TPO: variants seen among roughly 807,000 people sequenced by gnomAD.
The protein encoded by TPO is thyroid peroxidase, also known as thyroid microsomal antigen.
A neutral mutation model predicts 96.9 loss-of-function variants in TPO; 78 were observed. The ratio of observed to expected loss-of-function variants is 0.81; its 90% CI spans 0.67 to 0.97. The LOEUF is 0.97. Among genes scored for constraint, TPO ranks in the 50% least tolerant of loss-of-function variants. TPO has a pLI of 0.00. For missense variants in TPO, 1,252 were observed against 1,274.8 expected, an observed-to-expected ratio of 0.98 and a Z score of 0.27; for synonymous variants, 547 against 538.0, an observed-to-expected ratio of 1.02 and a Z score of -0.23.
intron 5 of TPO, among the ~76,000 whole-genome samples, chr2:1,451,321 G>T (rs961645550): frequency 6.6e-6 from 1 of 152,052 alleles, no homozygotes; most frequent in Non-Finnish European, 1.5e-5. Flanking sequence ...ATCTAAATCG[G>T]TCACATTTAA....
chr2:1,441,256 A>G lies in TPO; in HGVS notation c.482+4872A>G, dbSNP rs149583025. On this transcript the variant is annotated intron_variant, in intron 5 of 16. Transcript: ENST00000329066. ...CTACCGTGTTGGAAGGGAATGGGGCAGACTCCTTCTTGTTGGTACGGTGTG... is the reference window on the plus strand; with the variant it reads ...CTACCGTGTTGGAAGGGAATGGGGCGGACTCCTTCTTGTTGGTACGGTGTG... Among the ~76,000 whole-genome samples the G allele has an allele frequency of 1.4e-3, 218 of 152,342 alleles. 1 individual carries two copies. Among genetic ancestry groups the G allele is most frequent in the Middle Eastern group, 6.8e-3 (2 of 294 alleles).
intron 10 of TPO, among the ~76,000 whole-genome samples, chr2:1,488,390 C>T (rs1451460499): frequency 3.9e-5 from 6 of 152,072 alleles, no homozygotes; most frequent in South Asian, 2.1e-4. Flanking sequence ...AAGATCATTC[C>T]GTCACATCAG....
intron 7 of TPO, among the ~76,000 whole-genome samples, chr2:1,460,782 C>T (rs1191362701): frequency 1.3e-5 from 2 of 152,088 alleles, no homozygotes; most frequent in Admixed American, 6.5e-5. Flanking sequence ...GGGAGCTGCA[C>T]TGAGAGAACT....
At chr2:1,435,803 G>T (rs554247116) in intron 4 of TPO, among the ~76,000 whole-genome samples, 1 of 152,178 alleles carries the variant, frequency 6.6e-6, no homozygotes, top group Non-Finnish European at 1.5e-5. Context: ...ATCAAGGCAA[G>T]ATTTTTTCTA....
intron 1 of TPO, among the ~76,000 whole-genome samples, chr2:1,377,056 C>T (rs899969023): frequency 3.3e-5 from 5 of 152,204 alleles, no homozygotes; most frequent in Admixed American, 6.5e-5. Flanking sequence ...GGTGAATTTA[C>T]ACCAGAGTCA....
chr2:1,531,675 C>T, intron 15 of TPO, among the ~76,000 whole-genome samples: 1 of 101,970 alleles, frequency 9.8e-6, no homozygotes, highest in Non-Finnish European at 2.1e-5. Context: ...TGTGCAATCT[C>T]CCCAAATCCC....
rs1258968198 is a variant in TPO, at chr2:1,390,869, T to C, written n.180+16467T>C. Among the ~76,000 whole-genome samples the C allele has an allele frequency of 2.0e-5, 3 of 152,306 alleles. No homozygotes were observed. The East Asian group carries it at 5.8e-4, about 29-fold the overall frequency. ...GTCTGTTCATATCCTTTGCCTACTT[T>C]TTGATGGGGTTGTTTTTTTCTTGTA... On this transcript the variant is annotated intron_variant and non_coding_transcript_variant, in intron 1 of 5. Transcript: ENST00000497517.
intron 15 of TPO, among the ~76,000 whole-genome samples, chr2:1,522,719 C>T (rs924524368): frequency 2.0e-5 from 3 of 152,034 alleles, no homozygotes; most frequent in African/African-American, 7.3e-5. Flanking sequence ...CCACTGTCTG[C>T]AACCTCCCCA....
In TPO at chr2:1,463,961, T is replaced by C. The variant is rs1048940993; in HGVS notation, c.819+7679T>C. Among the ~76,000 whole-genome samples the C allele has an allele frequency of 2.6e-5, 4 of 152,194 alleles. No individual in the cohort carries two copies. In the East Asian group the frequency reaches 5.8e-4, roughly 22 times the overall value. On this transcript the variant is annotated intron_variant, in intron 7 of 16. Coordinates refer to ENST00000329066, the MANE Select transcript of TPO (RefSeq NM_001206744.2). The stretch of plus-strand genomic sequence containing the variant: ...TGTTTGGTTACATGAGTAAGTTCTT[T>C]AGTGGTGATTTGTGAGATTTCGGTG...
At chr2:1,400,820 A>T (rs1662156751) in intron 1 of TPO, among the ~76,000 whole-genome samples, 1 of 152,216 alleles carries the variant, frequency 6.6e-6, no homozygotes, top group Admixed American at 6.5e-5. Context: ...TCAGACATTA[A>T]TGGGTAAGCC....
intron 9 of TPO, among the ~76,000 whole-genome samples, chr2:1,485,056 CT>C (rs923482931): frequency 1.3e-5 from 2 of 151,810 alleles, no homozygotes; most frequent in Admixed American, 6.6e-5. Context: ...ATCCCTCCCC[CT>C]GACCCCCACC....
intron 5 of TPO, among the ~76,000 whole-genome samples, chr2:1,440,045 C>T (rs1346902240): frequency 1.3e-5 from 2 of 152,196 alleles, no homozygotes; most frequent in African/African-American, 4.8e-5. Context: ...GTTCCCCACC[C>T]ACACCTTCCC....
intron 3 of TPO, among the ~76,000 whole-genome samples, chr2:1,430,026 A>G (rs1467134099): frequency 1.3e-5 from 2 of 152,242 alleles, no homozygotes; most frequent in Non-Finnish European, 2.9e-5. Context: ...AGAGATTAGC[A>G]TGACTAAAAG....
chr2:1,464,812 T>A (rs988751143), intron 7 of TPO, among the ~76,000 whole-genome samples: 3 of 152,218 alleles, frequency 2.0e-5, no homozygotes, highest in Non-Finnish European at 4.4e-5. Flanking sequence ...CTTTGTCAGA[T>A]GTGTGGATTG....
At chr2:1,431,024 A>G (rs1371940496) in intron 3 of TPO, among the ~76,000 whole-genome samples, 3 of 152,156 alleles carry the variant, frequency 2.0e-5, no homozygotes, top group Admixed American at 1.3e-4. Context: ...TGTATTTTGG[A>G]ATGTGAGAAA....
chr2:1,398,515 G>T (rs958309119), intron 1 of TPO, among the ~76,000 whole-genome samples: 1 of 152,214 alleles, frequency 6.6e-6, no homozygotes, highest in African/African-American at 2.4e-5. Context: ...CACCCAGTGG[G>T]CGGCTCCTGT....
chr2:1,529,276 C>G (rs1474523017), intron 15 of TPO, among the ~76,000 whole-genome samples: 2 of 97,230 alleles, frequency 2.1e-5, no homozygotes, highest in African/African-American at 4.6e-5. Context: ...CTCCTCAAAT[C>G]CCCCCACTGT....
At chr2:1,455,462 C>T (rs1420194321) in intron 6 of TPO, among the ~76,000 whole-genome samples, 2 of 152,212 alleles carry the variant, frequency 1.3e-5, no homozygotes, top group Non-Finnish European at 2.9e-5. Flanking sequence ...TCAGGTAGGG[C>T]AGGCTCAGGG....
chr2:1,517,952 T>C (rs28913019), intron 15 of TPO, among the ~76,000 whole-genome samples: 71,276 of 151,130 alleles, frequency 0.47, 16,876 homozygotes, highest in Admixed American at 0.49. Context: ...CCCCCCCCAA[T>C]ATGCCCTGTG....
Sources: allele counts gnomAD v4.1 joint callset (sites outside exome capture counted in the v4.1 genomes callset), GRCh38; gene constraint gnomAD v4.1.1; transcripts MANE v1.5; gene names NCBI Gene and HGNC (gene_info 2026-07-23, HGNC 2026-07-21).